The following YIPF6 variants were observed in gnomAD, a reference collection of about 807,000 sequenced individuals.
YIPF6 encodes Yip1 domain family member 6, also known as protein YIPF6.
YIPF6 carries 3 observed loss-of-function variants against 16.8 expected under a neutral mutation model. The ratio of observed to expected loss-of-function variants is 0.18; its 90% CI spans 0.08 to 0.46. The LOEUF (loss-of-function observed/expected upper bound fraction) is 0.46. Among genes scored for constraint, YIPF6 ranks in the 20% least tolerant of loss-of-function variants. The probability of loss-of-function intolerance (pLI) is 0.98; values close to 1 mark genes in which losing one functional copy is unlikely to be tolerated. For synonymous variants in YIPF6, 67 were observed against 61.9 expected, an observed-to-expected ratio of 1.08 and a Z score of -0.38; for missense variants, 145 against 184.9, an observed-to-expected ratio of 0.78 and a Z score of 1.25.
intron 2 of YIPF6, 121 bp downstream of exon 2, chrX:68,512,098 A>T: frequency 1.3e-6 from 1 of 783,185 alleles, no homozygotes; most frequent in Non-Finnish European, 1.7e-6. Flanking sequence ...CTGAAGTTTA[A>T]TATTTTATCC....
In YIPF6 at chrX:68,535,794, T is replaced by G. The variant is rs2079189071; in HGVS notation, c.*3795T>G. 2.7e-5 allele frequency: 3 copies of G among 111,233 alleles called. No individual in the cohort carries two copies. The highest frequency in any genetic ancestry group is 9.8e-5 in the African/African-American group (3 of 30,595). The allele number at this position is 111,233 out of a possible 1,213,427, so 9.2% of individuals were successfully genotyped here. A position where few individuals can be genotyped will look rare whatever the true frequency, so the allele number is the denominator to read the frequency against. On this transcript the variant is annotated 3_prime_UTR_variant, in exon 7 of 7. Transcript: ENST00000462683. ...ACACTTTACCATAAACTTCACCTTTTTATTTTTTATTTTTATGAGACAGGG... is the reference window on the plus strand; with the variant it reads ...ACACTTTACCATAAACTTCACCTTTGTATTTTTTATTTTTATGAGACAGGG...
chrX:68,522,931 T>C lies in YIPF6; in HGVS notation c.592+14T>C. ...GGTCTATAGTTGGTAAGTATGTACT[T>C]ATTTCCACAATAACAGAACAGACAA... is the stretch of plus-strand genomic sequence containing the variant. On this transcript the variant is annotated intron_variant, in intron 6 of 6. Coordinates refer to ENST00000462683, the MANE Select transcript of YIPF6 (RefSeq NM_173834.4). 1 of 1,208,198 alleles carries C rather than the reference T, an allele frequency of 8.3e-7. No individual in the cohort carries two copies. The highest frequency in any genetic ancestry group is 1.1e-6 in the Non-Finnish European group (1 of 894,158).
intron 1 of YIPF6, among the ~76,000 whole-genome samples, chrX:68,509,792 G>C (rs750961731): frequency 9.0e-6 from 1 of 111,240 alleles, no homozygotes; most frequent in Admixed American, 9.6e-5. Context: ...CCTGTGTTCT[G>C]AAGGCAACTT....
At chrX:68,516,759 T>G (rs1430972558) in intron 3 of YIPF6, among the ~76,000 whole-genome samples, 3 of 112,100 alleles carry the variant, frequency 2.7e-5, no homozygotes, top group Non-Finnish European at 5.6e-5. Context: ...AAGGTAATTG[T>G]GCTCTAAGCT....
intron 1 of YIPF6, among the ~76,000 whole-genome samples, chrX:68,511,414 C>A (rs1041414736): frequency 2.9e-4 from 32 of 112,134 alleles, no homozygotes; most frequent in African/African-American, 9.7e-4. Context: ...TCCCTGTTTC[C>A]CGCACTTGCC....
At chrX:68,520,814 A>G (rs1016839663) in intron 4 of YIPF6, among the ~76,000 whole-genome samples, 3 of 111,315 alleles carry the variant, frequency 2.7e-5, no homozygotes, top group Admixed American at 9.6e-5. Context: ...TAACCCAAGA[A>G]CTACAAATTC....
intron 6 of YIPF6, among the ~76,000 whole-genome samples, chrX:68,525,684 G>A (rs1279667658): frequency 2.7e-5 from 3 of 111,960 alleles, no homozygotes; most frequent in Non-Finnish European, 3.8e-5. Flanking sequence ...AAAGGGTCCA[G>A]TTTCAGTTTT....
At chrX:68,510,511 T>TTTAA in intron 1 of YIPF6, among the ~76,000 whole-genome samples, 1 of 111,051 alleles carries the variant, frequency 9.0e-6, no homozygotes, top group Non-Finnish European at 1.9e-5. Flanking sequence ...GCATGTTTCT[T>TTTAA]ATATTTAAGA....
At chrX:68,515,553 T>A (rs2079098986) in intron 3 of YIPF6, among the ~76,000 whole-genome samples, 1 of 111,637 alleles carries the variant, frequency 9.0e-6, no homozygotes, top group African/African-American at 3.3e-5. Flanking sequence ...CCTCTGTATC[T>A]GTCCTATTGG....
At chrX:68,512,250 A>C (rs2079083909) in intron 2 of YIPF6, among the ~76,000 whole-genome samples, 1 of 110,880 alleles carries the variant, frequency 9.0e-6, no homozygotes, top group African/African-American at 3.3e-5. Flanking sequence ...ACCTGAGCTC[A>C]GGAGTTCGAG....
chrX:68,511,798 G>A (rs755768608), intron 1 of YIPF6, 51 bp from the exon 2 acceptor site: 13 of 1,151,743 alleles, frequency 1.1e-5, no homozygotes, highest in Non-Finnish European at 1.5e-5. Flanking sequence ...TATATATGAG[G>A]AATGCTACAG....
intron 6 of YIPF6, among the ~76,000 whole-genome samples, chrX:68,528,018 T>C (rs1417524585): frequency 8.9e-6 from 1 of 111,737 alleles, no homozygotes; most frequent in Admixed American, 9.6e-5. Flanking sequence ...CAGAGCTGAG[T>C]TCAAGTCCTG....
chrX:68,530,207 T>A (rs2079165598), intron 6 of YIPF6, among the ~76,000 whole-genome samples: 1 of 111,660 alleles, frequency 9.0e-6, no homozygotes, highest in African/African-American at 3.3e-5. Flanking sequence ...ACAGCAGCTT[T>A]GCTGAGCTGT....
chrX:68,525,373 T>G (rs2079143492), intron 6 of YIPF6, among the ~76,000 whole-genome samples: 1 of 112,333 alleles, frequency 8.9e-6, no homozygotes, highest in South Asian at 3.6e-4. Context: ...CTTTGTAGAT[T>G]CTGGATATTA....
Position 68,507,950 on chromosome X carries a change from C to CTTTG in YIPF6, c.58-3898_58-3895dup, listed in dbSNP as rs755601037. On this transcript the variant is annotated intron_variant, in intron 1 of 6. Transcript: ENST00000462683. The stretch of plus-strand genomic sequence containing the variant: ...GTTCCTGTAAATGCAATGCCTTTCT[C>CTTTG]TTTGGCTACTTTCAAGATTTTCTCT... Among the ~76,000 whole-genome samples, 10 of 110,800 alleles carry CTTTG rather than the reference C, an allele frequency of 9.0e-5. No homozygotes were observed. The East Asian group carries it at 2.9e-3, about 32-fold the overall frequency.
At chrX:68,500,770 C>T (rs144492716) in intron 1 of YIPF6, among the ~76,000 whole-genome samples, 12 of 111,831 alleles carry the variant, frequency 1.1e-4, no homozygotes, top group Non-Finnish European at 2.1e-4. Context: ...TACTATGTTC[C>T]AGGCACTCCT....
chrX:68,518,634 T>G, intron 3 of YIPF6, 136 bp from the exon 4 acceptor site: 1 of 615,087 alleles, frequency 1.6e-6, no homozygotes, highest in Non-Finnish European at 2.5e-6. Flanking sequence ...GGAGGGCAGG[T>G]GGTGGGAGAG....
chrX:68,518,100 C>T (rs889422823), intron 3 of YIPF6, among the ~76,000 whole-genome samples: 4 of 110,283 alleles, frequency 3.6e-5, no homozygotes, highest in South Asian at 7.8e-4. Flanking sequence ...GGTGAAACCC[C>T]GTCTCTACTA....
chrX:68,521,706 G>A (rs2079126927), intron 5 of YIPF6, among the ~76,000 whole-genome samples: 1 of 108,510 alleles, frequency 9.2e-6, no homozygotes, highest in Non-Finnish European at 1.9e-5. Flanking sequence ...TCCTGCCCCA[G>A]CATCCCGAGT....
Sources: allele counts gnomAD v4.1 joint callset (sites outside exome capture counted in the v4.1 genomes callset), GRCh38; gene constraint gnomAD v4.1.1; transcripts MANE v1.5; gene names NCBI Gene and HGNC (gene_info 2026-07-23, HGNC 2026-07-21).